LIPE: variants seen among roughly 807,000 people sequenced by gnomAD.
LIPE encodes the protein lipase E, hormone sensitive type.
A neutral mutation model predicts 88.5 loss-of-function variants in LIPE; 66 were observed. The observed-to-expected ratio is 0.75, with a 90% CI of 0.61 to 0.91. LIPE has a LOEUF of 0.91. LIPE is among the 40% of genes least tolerant of loss of function. The pLI is 0.00. For missense variants in LIPE, 1,346 were observed against 1,434.7 expected (o/e 0.94, Z 1.00); for synonymous variants, 570 against 617.5 (o/e 0.92, Z 1.14).
rs769630386 is a variant in LIPE, at chr19:42,410,514, G to A, written c.1212C>T (p.Arg404=). ...VASNRRSIFF[R]TSHNLAELEA... Reference sequence around the variant, plus strand: ...CCAGCTCGGCCAGGTTGTGGCTGGTGCGGAAGAAGATGCTGCGGCGGTTGG... The same window carrying A: ...CCAGCTCGGCCAGGTTGTGGCTGGTACGGAAGAAGATGCTGCGGCGGTTGG... The change falls in exon 2 of 10, where the codon CGC becomes CGT. Residue 404 remains arginine, a synonymous_variant. Transcript: ENST00000244289. This position sits in a 1 kb window ranked among gnomAD's most constrained non-coding sequence, Gnocchi z 6.1. The A allele has an allele frequency of 1.2e-6, 2 of 1,613,264 alleles. No individual in the cohort carries two copies. Among genetic ancestry groups the A allele is most frequent in the South Asian group, 1.1e-5 (1 of 91,092 alleles).
intron 1 of LIPE, chr19:42,424,094 G>A: frequency 8.4e-7 from 1 of 1,189,524 alleles, no homozygotes; most frequent in Non-Finnish European, 1.1e-6. Context: ...AGCCGTTGGA[G>A]GAGGGAGCCC....
In LIPE at chr19:42,410,983, C is replaced by T. The variant is rs2040359725; in HGVS notation, c.884-141G>A. 1.2e-6 allele frequency: 1 copy of T among 834,834 alleles called. No individual in the cohort carries two copies. The highest frequency in any genetic ancestry group is 2.6e-5 in the Admixed American group (1 of 38,002). 51.7% of individuals were successfully genotyped at this position (834,834 alleles called of 1,614,324 possible). On this transcript the variant is annotated intron_variant, in intron 1 of 9. Coordinates refer to ENST00000244289, the MANE Select transcript of LIPE (RefSeq NM_005357.4). This position sits in a 1 kb window ranked among gnomAD's most constrained non-coding sequence, Gnocchi z 6.1. ...CTTTCAGTTCCAGGGGCCCAGGACC[C>T]CAGGTTCCTCCTCCCTTAGACATAA...
chr19:42,412,384 A>G, intron 1 of LIPE: 1 of 985,764 alleles, frequency 1.0e-6, no homozygotes, highest in African/African-American at 1.7e-5. Flanking sequence ...GCATCTTCCG[A>G]GCTTCCCTGG....
chr19:42,401,924 G>A lies in LIPE; in HGVS notation c.3119C>T (p.Ala1040Val). 2 of 1,554,376 alleles carry A rather than the reference G, an allele frequency of 1.3e-6. No homozygotes were observed. Among genetic ancestry groups the A allele is most frequent in the Non-Finnish European group, 1.7e-6 (2 of 1,154,838 alleles). Residue 1040 changes from alanine to valine, a missense_variant, in exon 10 of 10, where the codon GCA (alanine) becomes GTA (valine). Physicochemically the swap from Ala to Val is moderately conservative, Grantham distance 64. Transcript: ENST00000244289. ...GCGGATGCGCTCCACGCACAGCTCT[G>A]CGGCCTGGCGCGTCTCGCGGCACAG... Reference protein sequence around the residue: ...AALCRETRQAAELCVERIRLV... With the variant: ...AALCRETRQAVELCVERIRLV...
chr19:42,407,081 A>C lies in LIPE; in HGVS notation c.2137+93T>G. 1 of 1,108,466 alleles carries C rather than the reference A, an allele frequency of 9.0e-7. No homozygotes were observed. Among genetic ancestry groups the C allele is most frequent in the Non-Finnish European group, 1.2e-6 (1 of 803,258 alleles). 68.7% of individuals were successfully genotyped at this position (1,108,466 alleles called of 1,614,324 possible). On this transcript the variant is annotated intron_variant, in intron 6 of 9. Transcript: ENST00000244289. This position sits in a 1 kb window ranked among gnomAD's most constrained non-coding sequence, Gnocchi z 5.8. ...AGCTGGGAGGTGTGGGGGGAGAGAA[A>C]GGTAGAGGGTGTGAGGCTGAGGCTG...
chr19:42,417,985 A>T (rs2040523090), intron 1 of LIPE, among the ~76,000 whole-genome samples: 1 of 142,852 alleles, frequency 7.0e-6, no homozygotes, highest in African/African-American at 2.5e-5. Flanking sequence ...ACTGACCCCC[A>T]TTTTTTTTTT....
At chr19:42,418,071 C>T (rs971216390) in intron 1 of LIPE, among the ~76,000 whole-genome samples, 1 of 152,028 alleles carries the variant, frequency 6.6e-6, no homozygotes, top group African/African-American at 2.4e-5. Context: ...CAACCTCCGC[C>T]TCCCAGGTTC....
At position 42,403,026 on chromosome 19, in the gene LIPE, T is replaced by C. The variant is rs1048340201; in HGVS notation, c.2548A>G (p.Met850Val). Residue 850 changes from methionine (M) to valine (V), a missense_variant, in exon 9 of 10, where the codon ATG becomes GTG. Transcript: ENST00000244289. ...QKMSEPIAEP[M>V]RRSVSEAALA... Reference sequence around the variant, plus strand: ...GCTGCTTCAGACACACTGCGGCGCATCGGCTCTGAGAGAGGGAGAGCAGAT... The same window carrying C: ...GCTGCTTCAGACACACTGCGGCGCACCGGCTCTGAGAGAGGGAGAGCAGAT... The C allele has an allele frequency of 1.3e-6, 2 of 1,555,694 alleles. No individual in the cohort carries two copies. Among genetic ancestry groups the C allele is most frequent in the Non-Finnish European group, 1.7e-6 (2 of 1,152,014 alleles).
chr19:42,421,605 A>G (rs1263412149), intron 1 of LIPE, among the ~76,000 whole-genome samples: 1 of 152,230 alleles, frequency 6.6e-6, no homozygotes, highest in African/African-American at 2.4e-5. Flanking sequence ...GTTTGGGCCC[A>G]CAGCAGTTGT....
At chr19:42,413,238 T>C (rs1029169543) in intron 1 of LIPE, among the ~76,000 whole-genome samples, 1 of 152,266 alleles carries the variant, frequency 6.6e-6, no homozygotes, top group East Asian at 1.9e-4. Flanking sequence ...ATCCTGCCAT[T>C]TGACACTTTA....
At position 42,410,295 on chromosome 19, in the gene LIPE, C is replaced by G. The variant is rs199651647; in HGVS notation, c.1419+12G>C. The G allele has an allele frequency of 1.1e-5, 17 of 1,552,810 alleles. No individual in the cohort carries two copies. The East Asian group carries it at 3.9e-4, about 35-fold the overall frequency. ...ATTGTGGGCCCAGAGGGGCACGGGG[C>G]AGGGGGCTCACCTGGAAGCCCAGGC... On this transcript the variant is annotated intron_variant, in intron 2 of 9. Transcript: ENST00000244289. The surrounding 1 kb of genome is among the most constrained non-coding windows in gnomAD (Gnocchi z 6.1).
rs1378670961 is a variant in LIPE, at chr19:42,402,052, C to T, written c.2991G>A (p.Leu997=). ...GCCGCGCGAGCATGACCGAGTCGTCCAGCATGGGGTCCAGCGCGCACGCCT... is the reference window on the plus strand; with the variant it reads ...GCCGCGCGAGCATGACCGAGTCGTCTAGCATGGGGTCCAGCGCGCACGCCT... The part of the protein sequence containing the change: ...HIVACALDPM[L]DDSVMLARRL... The change falls in exon 10 of 10, where the codon CTG becomes CTA. Residue 997 remains leucine, a synonymous_variant. Transcript: ENST00000244289. The T allele has an allele frequency of 1.3e-6, 2 of 1,515,662 alleles. No homozygotes were observed. Among genetic ancestry groups the T allele is most frequent in the Non-Finnish European group, 1.8e-6 (2 of 1,130,410 alleles). The allele number at this position is 1,515,662 out of a possible 1,614,324, so 93.9% of individuals were successfully genotyped here. A position where few individuals can be genotyped will look rare whatever the true frequency, so the allele number is the denominator to read the frequency against.
At chr19:42,418,937 C>T (rs1335184856) in intron 1 of LIPE, among the ~76,000 whole-genome samples, 3 of 152,104 alleles carry the variant, frequency 2.0e-5, no homozygotes, top group Non-Finnish European at 4.4e-5. Context: ...GGTGCACTGC[C>T]GCCCCTTGGT....
intron 1 of LIPE, among the ~76,000 whole-genome samples, chr19:42,416,138 T>C (rs1334117709): frequency 6.6e-6 from 1 of 151,112 alleles, no homozygotes; most frequent in Middle Eastern, 3.2e-3. Flanking sequence ...AGGTCGGGAG[T>C]TTGAAACCAG....
rs751211906 is a variant in LIPE at position 42,410,542 on chromosome 19, G to A, written c.1184C>T (p.Ala395Val). The change falls in exon 2 of 10, where the codon GCC (alanine) becomes GTC (valine). Residue 395 changes from alanine to valine, a missense_variant. Coordinates refer to ENST00000244289, the MANE Select transcript of LIPE (RefSeq NM_005357.4). The surrounding 1 kb of genome is among the most constrained non-coding windows in gnomAD (Gnocchi z 6.1). ...AHLLHKSRYVASNRRSIFFRT... is the reference protein window; with the variant it reads ...AHLLHKSRYVVSNRRSIFFRT... ...GAAGAAGATGCTGCGGCGGTTGGAGGCCACATAGCGGGATTTGTGCAGGAG... is the reference window on the plus strand; with the variant it reads ...GAAGAAGATGCTGCGGCGGTTGGAGACCACATAGCGGGATTTGTGCAGGAG... The A allele has an allele frequency of 6.8e-6, 11 of 1,612,642 alleles. No individual in the cohort carries two copies. The East Asian group carries it at 2.5e-4, about 36-fold the overall frequency.
intron 1 of LIPE, chr19:42,424,232 G>A (rs776116568): frequency 5.1e-5 from 37 of 722,544 alleles, no homozygotes; most frequent in Non-Finnish European, 7.0e-5. Context: ...GAGAACGCTC[G>A]GCGCCTGCGC....
intron 8 of LIPE, 123 bp downstream of exon 8, chr19:42,405,262 C>T (rs1298014700): frequency 3.0e-6 from 3 of 1,002,568 alleles, no homozygotes; most frequent in Non-Finnish European, 4.3e-6. Context: ...ACCTCAGCCT[C>T]CCAAAGTGCT....
intron 8 of LIPE, 78 bp from the exon 9 acceptor site, chr19:42,403,109 G>A: frequency 7.1e-7 from 1 of 1,401,730 alleles, no homozygotes; most frequent in Non-Finnish European, 9.6e-7. Flanking sequence ...CCATGGGAAG[G>A]GCAGTCGCCT....
Position 42,410,936 on chromosome 19 carries a change from C to T in LIPE, c.884-94G>A. ...CTGGGCCATAGCTTACCCACTCCTC[C>T]TTCAAACCTCAGTGCTGTCTTCTTT... On this transcript the variant is annotated intron_variant, in intron 1 of 9. Coordinates refer to ENST00000244289, the MANE Select transcript of LIPE (RefSeq NM_005357.4). This position sits in a 1 kb window ranked among gnomAD's most constrained non-coding sequence, Gnocchi z 6.1. 8.1e-7 allele frequency: 1 copy of T among 1,228,064 alleles called. No homozygotes were observed. The highest frequency in any genetic ancestry group is 1.1e-6 in the Non-Finnish European group (1 of 887,598). The allele number at this position is 1,228,064 out of a possible 1,614,324, so 76.1% of individuals were successfully genotyped here. A position where few individuals can be genotyped will look rare whatever the true frequency, so the allele number is the denominator to read the frequency against.
Sources: gnomAD v4.1 joint callset for allele counts (sites outside exome capture counted in the v4.1 genomes callset) on GRCh38, gnomAD v4.1.1 for gene constraint, Gnocchi (gnomAD v3.1) non-coding constraint, MANE v1.5 for transcripts, NCBI Gene and HGNC (gene_info 2026-07-23, HGNC 2026-07-21) for gene names.